SHISA9: variants seen among roughly 807,000 people sequenced by gnomAD.
SHISA9 encodes the protein shisa family member 9, also known as protein shisa-9.
In SHISA9, 13 loss-of-function variants were observed where a neutral mutation model predicts 38.0. The ratio of observed to expected loss-of-function variants is 0.34; its 90% CI spans 0.22 to 0.54. SHISA9 has a LOEUF of 0.54. Ranked by LOEUF, SHISA9 falls within the 20% of genes least tolerant of loss-of-function variation. SHISA9 has a pLI of 0.91. For missense variants in SHISA9, 538 were observed against 575.8 expected, an observed-to-expected ratio of 0.93 and a Z score of 0.67; for synonymous variants, 275 against 242.0, an observed-to-expected ratio of 1.14 and a Z score of -1.27.
the SHISA9 span, among the ~76,000 whole-genome samples, chr16:13,458,954 G>A: frequency 5.3e-5 from 8 of 151,402 alleles, no homozygotes; most frequent in East Asian, 1.2e-3. Flanking sequence ...TGCAACCTGC[G>A]CTTCTCAGGT....
the SHISA9 span, among the ~76,000 whole-genome samples, chr16:13,344,156 T>C: frequency 6.6e-6 from 1 of 152,176 alleles, no homozygotes; most frequent in Non-Finnish European, 1.5e-5. Context: ...ATTTTACTTA[T>C]AATGAAATCA....
chr16:13,472,377 A>ATTTTTTTTTTTTT, the SHISA9 span, among the ~76,000 whole-genome samples: 3 of 55,416 alleles, frequency 5.4e-5, no homozygotes, highest in African/African-American at 1.5e-4. Context: ...GCTCTGCTAA[A>ATTTTTTTTTTTTT]TTTTTTTTTT....
the SHISA9 span, among the ~76,000 whole-genome samples, chr16:13,554,640 T>C: frequency 4.6e-4 from 70 of 152,148 alleles, no homozygotes; most frequent in Non-Finnish European, 9.0e-4. Flanking sequence ...TATAGGCATG[T>C]GCCACCACAC....
At chr16:12,929,331 C>G (rs1213057678) in intron 2 of SHISA9, among the ~76,000 whole-genome samples, 1 of 152,028 alleles carries the variant, frequency 6.6e-6, no homozygotes, top group Admixed American at 6.6e-5. Context: ...TATAAAGATA[C>G]ATGCACCTGT....
At chr16:12,977,187 G>C (rs899967852) in intron 2 of SHISA9, among the ~76,000 whole-genome samples, 4 of 152,184 alleles carry the variant, frequency 2.6e-5, no homozygotes, top group African/African-American at 4.8e-5. Flanking sequence ...TGGAGGCTCG[G>C]TTGGGCTGGG....
At chr16:13,388,348 G>A in the SHISA9 span, among the ~76,000 whole-genome samples, 1 of 147,540 alleles carries the variant, frequency 6.8e-6, no homozygotes, top group Non-Finnish European at 1.5e-5. Flanking sequence ...GTCTCACTCT[G>A]TTGCCTGGGC....
the SHISA9 span, among the ~76,000 whole-genome samples, chr16:13,357,999 CGATATAT>C: frequency 6.6e-6 from 1 of 152,040 alleles, no homozygotes; most frequent in Non-Finnish European, 1.5e-5. Flanking sequence ...GCCATCTGGG[CGATATAT>C]ATACGTGCAG....
chr16:13,483,011 C>A, the SHISA9 span, among the ~76,000 whole-genome samples: 2 of 152,142 alleles, frequency 1.3e-5, no homozygotes, highest in Non-Finnish European at 2.9e-5. Flanking sequence ...GAGCAGAATT[C>A]TCATTTCAGA....
the SHISA9 span, among the ~76,000 whole-genome samples, chr16:13,404,068 A>G: frequency 3.9e-5 from 6 of 152,208 alleles, no homozygotes; most frequent in Non-Finnish European, 8.8e-5. Flanking sequence ...GGCTCTGCTT[A>G]CCCTAAGCTC....
chr16:12,908,605 G>C (rs980735563), intron 1 of SHISA9: 1 of 1,551,404 alleles, frequency 6.4e-7, no homozygotes, highest in Non-Finnish European at 8.7e-7. Flanking sequence ...TGGCCGCTAG[G>C]CTGCACTGCG....
intron 3 of SHISA9, among the ~76,000 whole-genome samples, chr16:13,205,232 G>A (rs902455645): frequency 6.6e-6 from 1 of 152,160 alleles, no homozygotes; most frequent in Non-Finnish European, 1.5e-5. Context: ...TGAAGCCAGG[G>A]GTGACAGCCA....
rs956913326 is a variant in SHISA9, at chr16:13,087,147, C to CTT, written c.692-116225_692-116224dup. Among the ~76,000 whole-genome samples the CTT allele has an allele frequency of 7.3e-3, 598 of 81,390 alleles. 2 individuals are homozygous for CTT. Among genetic ancestry groups the CTT allele is most frequent in the Non-Finnish European group, 0.01 (436 of 42,672 alleles). 53.4% of individuals were successfully genotyped at this position (81,390 alleles called of 152,430 possible). On this transcript the variant is annotated intron_variant, in intron 2 of 4. Coordinates refer to ENST00000558583, the MANE Select transcript of SHISA9 (RefSeq NM_001145204.3). ...GTCCCCGCAAAGGACATGAACTCGT[C>CTT]TTTTTTTTTTTTTTTTTTTTTTTGG...
At chr16:13,386,752 T>C in the SHISA9 span, among the ~76,000 whole-genome samples, 1 of 152,240 alleles carries the variant, frequency 6.6e-6, no homozygotes, top group Admixed American at 6.5e-5. Flanking sequence ...TAGATTCCTT[T>C]CCATGTCAGT....
At chr16:13,037,704 C>T (rs761485993) in intron 2 of SHISA9, among the ~76,000 whole-genome samples, 2 of 152,098 alleles carry the variant, frequency 1.3e-5, no homozygotes, top group African/African-American at 2.4e-5. Context: ...CCTAACTGGT[C>T]CTCCCACTTC....
At chr16:13,064,322 A>G (rs1005430316) in intron 2 of SHISA9, among the ~76,000 whole-genome samples, 1 of 152,218 alleles carries the variant, frequency 6.6e-6, no homozygotes, top group African/African-American at 2.4e-5. Flanking sequence ...CAGCAAATTC[A>G]GAGACAGGTG....
At chr16:13,118,423 A>C (rs938341793) in intron 2 of SHISA9, among the ~76,000 whole-genome samples, 2 of 152,202 alleles carry the variant, frequency 1.3e-5, no homozygotes, top group African/African-American at 4.8e-5. Context: ...TAGAGAAATC[A>C]ACATGCACAG....
chr16:13,531,601 T>C, the SHISA9 span, among the ~76,000 whole-genome samples: 1 of 152,136 alleles, frequency 6.6e-6, no homozygotes, highest in South Asian at 2.1e-4. Flanking sequence ...TTGGCCTCCC[T>C]TTCTCCCTCT....
chr16:12,970,357 A>ATG (rs2072043775), intron 2 of SHISA9, among the ~76,000 whole-genome samples: 8 of 66,712 alleles, frequency 1.2e-4, no homozygotes, highest in Non-Finnish European at 2.2e-4. Context: ...ATATGTGTAT[A>ATG]TATATATATA....
At chr16:13,437,800 G>C in the SHISA9 span, among the ~76,000 whole-genome samples, 11 of 143,348 alleles carry the variant, frequency 7.7e-5, 1 homozygote, top group South Asian at 1.5e-3. Flanking sequence ...ATAATCAAAG[G>C]CTTGACAATT....
Sources: gnomAD v4.1 joint callset for allele counts (sites outside exome capture counted in the v4.1 genomes callset) on GRCh38, gnomAD v4.1.1 for gene constraint, MANE v1.5 for transcripts, NCBI Gene and HGNC (gene_info 2026-07-23, HGNC 2026-07-21) for gene names.